The following RYR3 variants were observed in gnomAD, a reference collection of about 807,000 sequenced individuals.
RYR3 encodes ryanodine receptor 3.
In RYR3, 207 loss-of-function variants were observed where a neutral mutation model predicts 584.3. The ratio of observed to expected loss-of-function variants is 0.35; its 90% CI spans 0.32 to 0.40. The LOEUF (loss-of-function observed/expected upper bound fraction) is 0.40. RYR3 is among the 10% of genes least tolerant of loss of function. The probability of loss-of-function intolerance (pLI) is 1.00; values close to 1 mark genes in which losing one functional copy is unlikely to be tolerated. For synonymous variants in RYR3, 2,416 were observed against 2,248.5 expected, an observed-to-expected ratio of 1.07 and a Z score of -2.11; for missense variants, 5,616 against 6,089.2, an observed-to-expected ratio of 0.92 and a Z score of 2.59.
At chr15:33,852,805 A>C (rs780960810) in intron 94 of RYR3, 3 of 417,904 alleles carry the variant, frequency 7.2e-6, no homozygotes, top group Non-Finnish European at 1.3e-5. Context: ...CATAATTCTG[A>C]GGCAGAAACT....
At chr15:33,527,581 T>C (rs906235871) in intron 3 of RYR3, among the ~76,000 whole-genome samples, 30 of 123,028 alleles carry the variant, frequency 2.4e-4, no homozygotes, top group Admixed American at 6.6e-4. Flanking sequence ...GACACAACTC[T>C]GTCTCAAAAA....
At chr15:33,839,614 A>G (rs879883031) in intron 89 of RYR3, 2 of 152,274 alleles carry the variant, frequency 1.3e-5, no homozygotes, top group Non-Finnish European at 2.9e-5. Context: ...AAAAACATTC[A>G]TTCATTCATT....
At chr15:33,447,874 C>T (rs906394924) in intron 1 of RYR3, among the ~76,000 whole-genome samples, 3 of 152,134 alleles carry the variant, frequency 2.0e-5, no homozygotes, top group Non-Finnish European at 2.9e-5. Context: ...ATTTAGCATG[C>T]ACTTACCATG....
intron 1 of RYR3, among the ~76,000 whole-genome samples, chr15:33,406,837 T>A (rs2043053834): frequency 6.6e-6 from 1 of 152,230 alleles, no homozygotes; most frequent in South Asian, 2.1e-4. Context: ...TAAAGCAAAG[T>A]TCCTACCTGA....
chr15:33,541,419 A>G (rs1287859294), intron 7 of RYR3, among the ~76,000 whole-genome samples: 1 of 152,192 alleles, frequency 6.6e-6, no homozygotes, highest in Non-Finnish European at 1.5e-5. Flanking sequence ...AAATAAAGTC[A>G]TCCAACGTTG....
chr15:33,865,954 G>C lies in RYR3; in HGVS notation c.*728G>C, dbSNP rs1318434585. The C allele has an allele frequency of 6.5e-6, 1 of 152,688 alleles. No individual in the cohort carries two copies. Among genetic ancestry groups the C allele is most frequent in the East Asian group, 1.9e-4 (1 of 5,194 alleles). The allele number at this position is 152,688 out of a possible 1,614,324, so 9.5% of individuals were successfully genotyped here. The stretch of plus-strand genomic sequence containing the variant: ...CTGCTGTTATTAGAAGAAAAGTACT[G>C]TACTGAAAATTCAGAAAAAAAATCT... On this transcript the variant is annotated 3_prime_UTR_variant, in exon 104 of 104. Coordinates refer to ENST00000634891, the MANE Select transcript of RYR3 (RefSeq NM_001036.6).
At chr15:33,575,115 C>G (rs2058229092) in intron 12 of RYR3, among the ~76,000 whole-genome samples, 1 of 149,450 alleles carries the variant, frequency 6.7e-6, no homozygotes, top group East Asian at 1.9e-4. Flanking sequence ...ACAGGGGCAC[C>G]CAGATCTATA....
At chr15:33,601,671 C>CA (rs1219286031) in intron 17 of RYR3, 119 bp downstream of exon 17, 1 of 1,058,314 alleles carries the variant, frequency 9.4e-7, no homozygotes, top group Admixed American at 2.0e-5. Context: ...CATGGTGATA[C>CA]AAGTACATAA....
intron 3 of RYR3, among the ~76,000 whole-genome samples, chr15:33,516,250 T>C (rs911681754): frequency 6.6e-6 from 1 of 151,962 alleles, no homozygotes; most frequent in Non-Finnish European, 1.5e-5. Flanking sequence ...GGTTCTAGCA[T>C]GAAACAGAGG....
rs746626379 is a variant in RYR3, at chr15:33,662,587, T to G, written c.5057T>G (p.Ile1686Ser). 4.3e-6 allele frequency: 7 copies of G among 1,613,974 alleles called. No homozygotes were observed. The highest frequency in any genetic ancestry group is 5.9e-6 in the Non-Finnish European group (7 of 1,179,874). ...GATCACCAAAAGCAGAGCCCCGAGA[T>G]TCCCTTGGAGAGTCTCAGGACGAAG... ...GEDHQKQSPEIPLESLRTKAL... is the reference protein window; with the variant it reads ...GEDHQKQSPESPLESLRTKAL... The change falls in exon 35 of 104, where the codon ATT becomes AGT. Residue 1686 changes from isoleucine (I) to serine (S), a missense_variant. Ile to Ser is a moderately radical substitution (Grantham distance 142). Transcript: ENST00000634891.
intron 52 of RYR3, among the ~76,000 whole-genome samples, chr15:33,745,437 G>T (rs767615411): frequency 1.3e-5 from 2 of 152,034 alleles, no homozygotes; most frequent in Non-Finnish European, 2.9e-5. Flanking sequence ...TTAACAAATG[G>T]ACAGGAGCAG....
intron 1 of RYR3, among the ~76,000 whole-genome samples, chr15:33,373,000 T>A (rs187118858): frequency 6.6e-6 from 1 of 152,344 alleles, no homozygotes; most frequent in Admixed American, 6.5e-5. Flanking sequence ...CCAATCTAGA[T>A]TATGCACCTT....
intron 1 of RYR3, among the ~76,000 whole-genome samples, chr15:33,454,378 A>T (rs1596213369): frequency 6.6e-6 from 1 of 152,348 alleles, no homozygotes; most frequent in East Asian, 1.9e-4. Context: ...GCCTGGGCTA[A>T]AAAATAAAAA....
chr15:33,409,140 G>A (rs1379511326), intron 1 of RYR3, among the ~76,000 whole-genome samples: 2 of 152,158 alleles, frequency 1.3e-5, no homozygotes, highest in Non-Finnish European at 2.9e-5. Context: ...TCACTATCTA[G>A]TTGGCTTGGC....
intron 1 of RYR3, among the ~76,000 whole-genome samples, chr15:33,404,895 A>C (rs2042922198): frequency 6.6e-6 from 1 of 152,132 alleles, no homozygotes; most frequent in Non-Finnish European, 1.5e-5. Context: ...TGCTGGAGAA[A>C]CTTGGAAATA....
chr15:33,389,894 C>G (rs974652064), intron 1 of RYR3, among the ~76,000 whole-genome samples: 1 of 152,082 alleles, frequency 6.6e-6, no homozygotes, highest in Non-Finnish European at 1.5e-5. Flanking sequence ...GAAAATGTAA[C>G]ATGACAGTGA....
intron 1 of RYR3, among the ~76,000 whole-genome samples, chr15:33,411,870 G>A (rs1478322822): frequency 1.3e-5 from 2 of 152,174 alleles, no homozygotes; most frequent in Non-Finnish European, 2.9e-5. Context: ...GGATAAGACT[G>A]TCAGACACTT....
intron 43 of RYR3, among the ~76,000 whole-genome samples, chr15:33,719,006 A>G (rs908150672): frequency 3.9e-5 from 6 of 152,132 alleles, no homozygotes; most frequent in Non-Finnish European, 8.8e-5. Flanking sequence ...ACCACAATGG[A>G]TTTGGTTAGC....
At chr15:33,435,795 C>G (rs1210556631) in intron 1 of RYR3, among the ~76,000 whole-genome samples, 1 of 152,092 alleles carries the variant, frequency 6.6e-6, no homozygotes, top group East Asian at 1.9e-4. Flanking sequence ...GGTGTGGACC[C>G]AAAGAGTGAG....
Sources: allele counts gnomAD v4.1 joint callset (sites outside exome capture counted in the v4.1 genomes callset), GRCh38; gene constraint gnomAD v4.1.1; transcripts MANE v1.5; gene names NCBI Gene and HGNC (gene_info 2026-07-23, HGNC 2026-07-21).